The following PTPRM variants were observed in gnomAD, a reference collection of about 807,000 sequenced individuals.
PTPRM encodes the protein protein tyrosine phosphatase receptor type M.
In PTPRM, 47 loss-of-function variants were observed where a neutral mutation model predicts 186.7. That is an observed-to-expected ratio of 0.25 (90% confidence interval 0.20 to 0.32). The LOEUF (loss-of-function observed/expected upper bound fraction) is 0.32. Among genes scored for constraint, PTPRM ranks in the 10% least tolerant of loss-of-function variants. The probability of loss-of-function intolerance (pLI) is 1.00; values close to 1 mark genes in which losing one functional copy is unlikely to be tolerated. For synonymous variants in PTPRM, 668 were observed against 674.9 expected (o/e 0.99, Z 0.16); for missense variants, 1,494 against 1,865.0 (o/e 0.80, Z 3.66).
chr18:8,224,629 C>A (rs919018669), intron 14 of PTPRM, among the ~76,000 whole-genome samples: 4 of 152,160 alleles, frequency 2.6e-5, no homozygotes, highest in African/African-American at 9.7e-5. Flanking sequence ...TTATTCTGAT[C>A]CCACACTTGA....
chr18:7,910,568 C>G (rs1024207067), intron 4 of PTPRM, among the ~76,000 whole-genome samples: 3 of 152,198 alleles, frequency 2.0e-5, no homozygotes, highest in Non-Finnish European at 2.9e-5. Context: ...TCTGATTGGT[C>G]GTGGGAGGGG....
At chr18:8,330,347 A>G (rs1329898542) in intron 22 of PTPRM, among the ~76,000 whole-genome samples, 1 of 152,170 alleles carries the variant, frequency 6.6e-6, no homozygotes, top group East Asian at 1.9e-4. Context: ...AAATTTCCTC[A>G]TGCAACACCC....
chr18:7,860,035 TGTGA>T (rs1475675566), intron 2 of PTPRM, among the ~76,000 whole-genome samples: 3 of 152,154 alleles, frequency 2.0e-5, no homozygotes, highest in Admixed American at 6.6e-5. Context: ...CTTTTTGAAT[TGTGA>T]GTATTTCTGC....
intron 2 of PTPRM, among the ~76,000 whole-genome samples, chr18:7,869,507 C>G (rs773509917): frequency 5.3e-5 from 8 of 152,222 alleles, no homozygotes; most frequent in Non-Finnish European, 8.8e-5. Flanking sequence ...TGCTTCTGCT[C>G]TCCCTCCATG....
intron 4 of PTPRM, among the ~76,000 whole-genome samples, chr18:7,918,005 G>A (rs906620976): frequency 6.6e-6 from 1 of 152,038 alleles, no homozygotes; most frequent in Non-Finnish European, 1.5e-5. Flanking sequence ...TGCTGCAAAT[G>A]ACAGGATTTC....
chr18:8,373,536 A>G (rs2095676616), intron 24 of PTPRM, among the ~76,000 whole-genome samples: 1 of 152,200 alleles, frequency 6.6e-6, no homozygotes, highest in Non-Finnish European at 1.5e-5. Context: ...TGGGAGAAAC[A>G]AAGTTGACAA....
chr18:7,610,534 A>C (rs2037646816), intron 1 of PTPRM, among the ~76,000 whole-genome samples: 1 of 152,220 alleles, frequency 6.6e-6, no homozygotes, highest in Non-Finnish European at 1.5e-5. Flanking sequence ...CTGGGGTATA[A>C]TCATGTGTCA....
intron 1 of PTPRM, among the ~76,000 whole-genome samples, chr18:7,648,355 C>A (rs892597291): frequency 1.3e-5 from 2 of 152,088 alleles, no homozygotes; most frequent in Non-Finnish European, 2.9e-5. Flanking sequence ...ATTAATAACC[C>A]CACAGTGGCC....
intron 1 of PTPRM, among the ~76,000 whole-genome samples, chr18:7,709,871 AT>A (rs760135140): frequency 1.3e-5 from 2 of 152,210 alleles, no homozygotes; most frequent in Non-Finnish European, 2.9e-5. Flanking sequence ...GAAACTCTGA[AT>A]AGACCAATAA....
At chr18:7,815,043 A>G (rs2044735150) in intron 2 of PTPRM, 1 of 152,082 alleles carries the variant, frequency 6.6e-6, no homozygotes, top group African/African-American at 2.4e-5. Context: ...TTTTCAGGAA[A>G]CCAACCATCA....
At chr18:7,861,652 T>G (rs1164548539) in intron 2 of PTPRM, among the ~76,000 whole-genome samples, 1 of 152,050 alleles carries the variant, frequency 6.6e-6, no homozygotes, top group Non-Finnish European at 1.5e-5. Flanking sequence ...TTCGTTTTGG[T>G]GGGGTCAAGG....
chr18:8,028,231 G>T (rs1463628243), intron 7 of PTPRM, among the ~76,000 whole-genome samples: 1 of 152,134 alleles, frequency 6.6e-6, no homozygotes, highest in Non-Finnish European at 1.5e-5. Flanking sequence ...GGAACTCCTG[G>T]CCACAAGTGA....
At chr18:8,234,476 A>G (rs1358683456) in intron 14 of PTPRM, among the ~76,000 whole-genome samples, 3 of 152,110 alleles carry the variant, frequency 2.0e-5, no homozygotes, top group Non-Finnish European at 2.9e-5. Context: ...CTAGGAGCTA[A>G]TTTTGTTGGT....
intron 1 of PTPRM, among the ~76,000 whole-genome samples, chr18:7,684,059 C>T (rs557516985): frequency 8.5e-5 from 13 of 152,246 alleles, no homozygotes; most frequent in Admixed American, 1.3e-4. Flanking sequence ...TTTCCCTGGA[C>T]ACCAGTCTAA....
chr18:8,334,532 T>C (rs2095428301), intron 22 of PTPRM, among the ~76,000 whole-genome samples: 1 of 152,254 alleles, frequency 6.6e-6, no homozygotes, highest in African/African-American at 2.4e-5. Flanking sequence ...TGCTGCTGTC[T>C]GTTGGATTCC....
chr18:7,856,500 G>A (rs538497870), intron 2 of PTPRM, among the ~76,000 whole-genome samples: 1 of 152,242 alleles, frequency 6.6e-6, no homozygotes, highest in East Asian at 1.9e-4. Flanking sequence ...CCAGCACGGA[G>A]GGCTGAGACA....
intron 1 of PTPRM, among the ~76,000 whole-genome samples, chr18:7,633,722 A>C (rs2038244819): frequency 6.6e-6 from 1 of 152,130 alleles, no homozygotes; most frequent in Non-Finnish European, 1.5e-5. Context: ...TCCGCATCGC[A>C]GGAAAGGACA....
At chr18:7,670,685 C>T (rs1568018564) in intron 1 of PTPRM, among the ~76,000 whole-genome samples, 1 of 152,138 alleles carries the variant, frequency 6.6e-6, no homozygotes. Context: ...CATATACTGT[C>T]GCTCTTTTGT....
intron 19 of PTPRM, among the ~76,000 whole-genome samples, chr18:8,276,092 AGT>A (rs34169991): frequency 0.086 from 13,010 of 151,780 alleles, 756 homozygotes; most frequent in Middle Eastern, 0.18. Flanking sequence ...TACCTTTCCA[AGT>A]CCTTTAGGTT....
Sources: gnomAD v4.1 joint callset for allele counts (sites outside exome capture counted in the v4.1 genomes callset) on GRCh38, gnomAD v4.1.1 for gene constraint, MANE v1.5 for transcripts, NCBI Gene and HGNC (gene_info 2026-07-23, HGNC 2026-07-21) for gene names.